The following TUBG1 variants were observed in gnomAD, a reference collection of about 807,000 sequenced individuals.
The protein encoded by TUBG1 is tubulin gamma-1 chain.
A neutral mutation model predicts 53.3 loss-of-function variants in TUBG1; 22 were observed. That is an observed-to-expected ratio of 0.41 (90% CI 0.29 to 0.59). The LOEUF (loss-of-function observed/expected upper bound fraction) is 0.59, where lower values mean the gene tolerates loss of function less well. Among genes scored for constraint, TUBG1 ranks in the 20% least tolerant of loss-of-function variants. TUBG1 has a pLI of 0.26. For missense variants in TUBG1, 217 were observed against 598.9 expected (o/e 0.36, Z 6.66); for synonymous variants, 198 against 236.7 (o/e 0.84, Z 1.50).
Position 42,610,181 on chromosome 17 carries a change from C to T in TUBG1, c.123C>T (p.Ala41=), listed in dbSNP as rs2052020301. The change falls in exon 2 of 11, where the codon GCC becomes GCT. Residue 41 remains alanine (A), a synonymous_variant. Coordinates refer to ENST00000251413, the MANE Select transcript of TUBG1 (RefSeq NM_001070.5). The part of the protein sequence containing the change: ...ISPEGIVEEF[A]TEGTDRKDVF... ...CCGAGGGCATCGTGGAGGAGTTCGCCACCGAGGGCACTGACCGCAAGGACG... is the reference window on the plus strand; with the variant it reads ...CCGAGGGCATCGTGGAGGAGTTCGCTACCGAGGGCACTGACCGCAAGGACG... The T allele has an allele frequency of 6.2e-7, 1 of 1,614,174 alleles. No homozygotes were observed. Among genetic ancestry groups the T allele is most frequent in the South Asian group, 1.1e-5 (1 of 91,094 alleles).
chr17:42,610,243 G>T, intron 2 of TUBG1, 23 bp downstream of exon 2: 9 of 1,614,182 alleles, frequency 5.6e-6, no homozygotes, highest in Non-Finnish European at 6.8e-6. Context: ...ACTTGGCCGG[G>T]GGCGGCAGTT....
chr17:42,612,149 T>G lies in TUBG1; in HGVS notation c.399+6T>G. Reference sequence around the variant, plus strand: ...ATGGTAGTGACAGTCTAGAGGTAAGTGTCCCAGGAATGCTGGTAGGAGCCG... The same window carrying G: ...ATGGTAGTGACAGTCTAGAGGTAAGGGTCCCAGGAATGCTGGTAGGAGCCG... On this transcript the variant is annotated splice_donor_region_variant and intron_variant, in intron 4 of 10. Coordinates refer to ENST00000251413, the MANE Select transcript of TUBG1 (RefSeq NM_001070.5). 1 of 1,613,936 alleles carries G rather than the reference T, an allele frequency of 6.2e-7. No individual in the cohort carries two copies. The highest frequency in any genetic ancestry group is 8.5e-7 in the Non-Finnish European group (1 of 1,179,888).
rs1258193150 is a variant in TUBG1, at chr17:42,612,928, T to C, written c.480-19T>C. The C allele has an allele frequency of 5.0e-6, 8 of 1,613,458 alleles. No homozygotes were observed. Among genetic ancestry groups the C allele is most frequent in the Middle Eastern group, 3.3e-4 (2 of 6,080 alleles). ...GGCCTTCGGTCTGTTGCCCTGATCCTTTCCCCAACCCCCACCAGGTATCCT... is the reference window on the plus strand; with the variant it reads ...GGCCTTCGGTCTGTTGCCCTGATCCCTTCCCCAACCCCCACCAGGTATCCT... On this transcript the variant is annotated intron_variant, in intron 5 of 10. Coordinates refer to ENST00000251413, the MANE Select transcript of TUBG1 (RefSeq NM_001070.5).
rs764760362 is a variant in TUBG1 at position 42,610,607 on chromosome 17, T to G, written c.330+17T>G. On this transcript the variant is annotated intron_variant, in intron 3 of 10. Coordinates refer to ENST00000251413, the MANE Select transcript of TUBG1 (RefSeq NM_001070.5). ...TTCTCCCAGGTCGTTTCCTATTCCC[T>G]GGCAGGGCCCACAACTCGCTGGGTA... 6.2e-7 allele frequency: 1 copy of G among 1,614,126 alleles called. No homozygotes were observed. The highest frequency in any genetic ancestry group is 8.5e-7 in the Non-Finnish European group (1 of 1,179,992).
chr17:42,612,444 C>T lies in TUBG1; in HGVS notation c.417C>T (p.His139=). 2 of 1,614,016 alleles carry T rather than the reference C, an allele frequency of 1.2e-6. No individual in the cohort carries two copies. The highest frequency in any genetic ancestry group is 1.7e-6 in the Non-Finnish European group (2 of 1,179,986). ...SDSLEGFVLC[H]SIAGGTGSGL... ...CCATGCAGGGCTTTGTGCTGTGTCA[C>T]TCCATTGCTGGGGGGACAGGCTCTG... The change falls in exon 5 of 11, where the codon CAC becomes CAT. Residue 139 remains histidine, a synonymous_variant. Coordinates refer to ENST00000251413, the MANE Select transcript of TUBG1 (RefSeq NM_001070.5).
Position 42,614,244 on chromosome 17 carries a change from C to G in TUBG1, c.844-16C>G, listed in dbSNP as rs377687897. The G allele has an allele frequency of 6.2e-7, 1 of 1,613,814 alleles. No homozygotes were observed. The highest frequency in any genetic ancestry group is 1.3e-5 in the African/African-American group (1 of 74,922). ...CCCTGAGCGCTGGCCGGGTCCCTGT[C>G]TCACTGTCCTATCAGGTGGCCAGCG... On this transcript the variant is annotated splice_polypyrimidine_tract_variant and intron_variant, in intron 8 of 10. Coordinates refer to ENST00000251413, the MANE Select transcript of TUBG1 (RefSeq NM_001070.5). The surrounding 1 kb of genome is among the most constrained non-coding windows in gnomAD (Gnocchi z 5.1).
chr17:42,612,839 C>T (rs2143453061), intron 5 of TUBG1, 108 bp from the exon 6 acceptor site: 1 of 1,476,082 alleles, frequency 6.8e-7, no homozygotes, highest in Non-Finnish European at 9.2e-7. Context: ...TTTGACCCCA[C>T]CCCAGTTTCG....
rs200371447 is a variant in TUBG1 at position 42,614,454 on chromosome 17, G to T, written c.996+42G>T. 647 of 1,614,138 alleles carry T rather than the reference G, an allele frequency of 4.0e-4. 2 individuals are homozygous for T. The highest frequency in any genetic ancestry group is 1.4e-3 in the Admixed American group (86 of 60,016). ...CATCCCACACCCTGGACCTGCAGGG[G>T]TAGAGGAGAGGCCACCTCCACTGCT... is the stretch of plus-strand genomic sequence containing the variant. On this transcript the variant is annotated intron_variant, in intron 9 of 10. Transcript: ENST00000251413. This position sits in a 1 kb window ranked among gnomAD's most constrained non-coding sequence, Gnocchi z 5.1.
intron 3 of TUBG1, chr17:42,611,410 T>G (rs1185374635): frequency 6.6e-6 from 1 of 152,302 alleles, no homozygotes; most frequent in Admixed American, 6.5e-5. Flanking sequence ...CCATAATACC[T>G]TTCTAAAATC....
intron 4 of TUBG1, 60 bp downstream of exon 4, chr17:42,612,203 A>G: frequency 6.4e-7 from 1 of 1,561,668 alleles, no homozygotes. Flanking sequence ...AGCACCCTCT[A>G]GAAGCGACCT....
intron 1 of TUBG1, 121 bp downstream of exon 1, chr17:42,609,907 C>T: frequency 7.0e-7 from 1 of 1,420,264 alleles, no homozygotes; most frequent in Non-Finnish European, 9.5e-7. Flanking sequence ...GCGAGACATC[C>T]CTGACCCAGT....
chr17:42,610,613 G>A (rs762990605), intron 3 of TUBG1, 23 bp downstream of exon 3: 1 of 1,614,088 alleles, frequency 6.2e-7, no homozygotes, highest in South Asian at 1.1e-5. Flanking sequence ...TCCCTGGCAG[G>A]GCCCACAACT....
intron 3 of TUBG1, among the ~76,000 whole-genome samples, chr17:42,611,816 A>G (rs913581556): frequency 1.3e-5 from 2 of 150,228 alleles, no homozygotes; most frequent in African/African-American, 4.9e-5. Context: ...AGATCGCGCC[A>G]CTGCACTCCA....
chr17:42,615,023 G>T lies in TUBG1; in HGVS notation c.1338G>T (p.Trp446Cys). The T allele has an allele frequency of 6.2e-7, 1 of 1,614,044 alleles. No individual in the cohort carries two copies. The change falls in exon 11 of 11, where the codon TGG (tryptophan) becomes TGT (cysteine). Residue 446 changes from tryptophan to cysteine, a missense_variant. Transcript: ENST00000251413. Reference sequence around the variant, plus strand: ...CCACACGGCCAGACTACATCTCCTGGGGCACCCAGGAGCAGTGAGTCCCCC... The same window carrying T: ...CCACACGGCCAGACTACATCTCCTGTGGCACCCAGGAGCAGTGAGTCCCCC... Reference protein sequence around the residue: ...HAATRPDYISWGTQEQ With the variant: ...HAATRPDYISCGTQEQ
Position 42,615,114 on chromosome 17 carries a change from A to G in TUBG1, c.*73A>G. 1 of 1,487,860 alleles carries G rather than the reference A, an allele frequency of 6.7e-7. No individual in the cohort carries two copies. Among genetic ancestry groups the G allele is most frequent in the Non-Finnish European group, 9.3e-7 (1 of 1,075,540 alleles). 92.2% of individuals were successfully genotyped at this position (1,487,860 alleles called of 1,614,324 possible). Reference sequence around the variant, plus strand: ...CCTGCCTGACTGACCACCCCCTCAGAGCACAGATCAGGGACCTCACGCATC... The same window carrying G: ...CCTGCCTGACTGACCACCCCCTCAGGGCACAGATCAGGGACCTCACGCATC... On this transcript the variant is annotated 3_prime_UTR_variant, in exon 11 of 11. Transcript: ENST00000251413.
chr17:42,612,817 C>T (rs1353531730), intron 5 of TUBG1, 130 bp from the exon 6 acceptor site: 3 of 1,292,202 alleles, frequency 2.3e-6, no homozygotes, highest in Admixed American at 2.3e-5. Context: ...TCAAGGCTCC[C>T]TTCTCTACTG....
chr17:42,609,969 A>G lies in TUBG1; in HGVS notation c.50-139A>G, dbSNP rs1471824306. ...CTCCCCTGCCCAGTCCCTGGCGTAC[A>G]GTCCTTTCCTCAGACACGGGAGAGT... is the stretch of plus-strand genomic sequence containing the variant. On this transcript the variant is annotated intron_variant, in intron 1 of 10. Transcript: ENST00000251413. 3.1e-6 allele frequency: 4 copies of G among 1,304,058 alleles called. No homozygotes were observed. In the African/African-American group the frequency reaches 5.9e-5, roughly 19 times the overall value. The allele number at this position is 1,304,058 out of a possible 1,614,324, so 80.8% of individuals were successfully genotyped here. A position where few individuals can be genotyped will look rare whatever the true frequency, so the allele number is the denominator to read the frequency against.
chr17:42,612,980 G>A lies in TUBG1; in HGVS notation c.513G>A (p.Val171=). Residue 171 remains valine (V), a synonymous_variant, in exon 6 of 11, where the codon GTG becomes GTA. Transcript: ENST00000251413. ...YPKKLVQTYS[V]FPNQDEMSDV... Reference sequence around the variant, plus strand: ...AGAAGCTGGTGCAGACATACTCAGTGTTTCCCAACCAGGACGAGATGAGCG... The same window carrying A: ...AGAAGCTGGTGCAGACATACTCAGTATTTCCCAACCAGGACGAGATGAGCG... 1 of 1,614,114 alleles carries A rather than the reference G, an allele frequency of 6.2e-7. No homozygotes were observed. The highest frequency in any genetic ancestry group is 8.5e-7 in the Non-Finnish European group (1 of 1,180,016).
rs781178779 is a variant in TUBG1, at chr17:42,615,059, C to T, written c.*18C>T. ...AGCAGTGAGTCCCCCAGGACAGGGA[C>T]CCTCATCTGCCTTACTGGTTGGCCC... On this transcript the variant is annotated 3_prime_UTR_variant, in exon 11 of 11. Transcript: ENST00000251413. 4 of 1,613,154 alleles carry T rather than the reference C, an allele frequency of 2.5e-6. No individual in the cohort carries two copies. The East Asian group carries it at 6.7e-5, about 27-fold the overall frequency.
Sources: allele counts gnomAD v4.1 joint callset (sites outside exome capture counted in the v4.1 genomes callset), GRCh38; gene constraint gnomAD v4.1.1; non-coding constraint Gnocchi (gnomAD v3.1); transcripts MANE v1.5; gene names NCBI Gene and HGNC (gene_info 2026-07-23, HGNC 2026-07-21).